Variants in RBM46 observed in about 807,000 individuals in gnomAD.
RBM46 encodes RNA binding motif protein 46.
A neutral mutation model predicts 43.3 loss-of-function variants in RBM46; 12 were observed. That is an observed-to-expected ratio of 0.28 (90% CI 0.18 to 0.45). The LOEUF is 0.45. Ranked by LOEUF, RBM46 falls within the 20% of genes least tolerant of loss-of-function variation. The probability of loss-of-function intolerance (pLI) is 1.00; values close to 1 mark genes in which losing one functional copy is unlikely to be tolerated. For missense variants in RBM46, 412 were observed against 639.1 expected (o/e 0.64, Z 3.83); for synonymous variants, 205 against 207.6 (o/e 0.99, Z 0.11).
chr4:154,798,341 T>A (rs1734448868), intron 3 of RBM46, 63 bp downstream of exon 3: 2 of 1,026,672 alleles, frequency 1.9e-6, no homozygotes, highest in Non-Finnish European at 2.8e-6. Context: ...TGATAGTACA[T>A]CAGGGATCAA....
At chr4:154,817,331 C>CT (rs58860836) in intron 4 of RBM46, among the ~76,000 whole-genome samples, 145 of 126,392 alleles carry the variant, frequency 1.1e-3, no homozygotes, top group Middle Eastern at 4.0e-3. Context: ...TTTTCTCTTT[C>CT]TTTTTTTTTT....
Position 154,806,836 on chromosome 4 carries a change from G to A in RBM46, c.1402+7272G>A, listed in dbSNP as rs1007592016. ...GAAACTAAATTTTCTTTTTGTAACA[G>A]AGGATCTAGGAAAATAATGATGTGT... On this transcript the variant is annotated intron_variant, in intron 4 of 4. Coordinates refer to ENST00000281722, the MANE Select transcript of RBM46 (RefSeq NM_144979.5). Among the ~76,000 whole-genome samples, 171 of 151,896 alleles carry A rather than the reference G, an allele frequency of 1.1e-3. 1 individual carries two copies. Among genetic ancestry groups the A allele is most frequent in the African/African-American group, 4.0e-3 (165 of 41,546 alleles).
chr4:154,820,961 T>C (rs1429647708), intron 4 of RBM46, among the ~76,000 whole-genome samples: 3 of 151,862 alleles, frequency 2.0e-5, no homozygotes, highest in Non-Finnish European at 4.4e-5. Context: ...AATGATGTTT[T>C]CTAGGATGTA....
chr4:154,822,947 CAT>C (rs1386359499), intron 4 of RBM46, among the ~76,000 whole-genome samples: 1 of 151,740 alleles, frequency 6.6e-6, no homozygotes. Context: ...GAATTGAAAA[CAT>C]ATGTTCACAC....
intron 4 of RBM46, among the ~76,000 whole-genome samples, chr4:154,804,028 C>T (rs776940094): frequency 6.6e-6 from 1 of 152,194 alleles, no homozygotes; most frequent in Admixed American, 6.5e-5. Context: ...CGCTGTCTTG[C>T]TCCTGCTCTT....
intron 4 of RBM46, among the ~76,000 whole-genome samples, chr4:154,825,818 C>G (rs527388838): frequency 2.6e-5 from 4 of 151,992 alleles, no homozygotes; most frequent in African/African-American, 9.7e-5. Context: ...CTGAAGATAC[C>G]TTCAGTATCC....
chr4:154,783,240 T>C (rs780462166), intron 1 of RBM46, among the ~76,000 whole-genome samples: 13 of 152,240 alleles, frequency 8.5e-5, no homozygotes, highest in South Asian at 2.1e-4. Flanking sequence ...GTTGGAGTAA[T>C]GTACTTGAAT....
intron 2 of RBM46, among the ~76,000 whole-genome samples, 161 bp downstream of exon 2, chr4:154,797,064 C>T (rs921567875): frequency 3.3e-5 from 5 of 150,992 alleles, no homozygotes; most frequent in Non-Finnish European, 5.9e-5. Context: ...AAATGTTATT[C>T]ATGTCTTACC....
chr4:154,797,343 C>T (rs1185518690), intron 2 of RBM46, among the ~76,000 whole-genome samples: 1 of 152,198 alleles, frequency 6.6e-6, no homozygotes, highest in Non-Finnish European at 1.5e-5. Context: ...TTCAGTTTAT[C>T]ACACTTAAAA....
chr4:154,807,363 A>G (rs2111167246), intron 4 of RBM46, among the ~76,000 whole-genome samples: 1 of 151,692 alleles, frequency 6.6e-6, no homozygotes, highest in South Asian at 2.1e-4. Context: ...GAATCAGAAA[A>G]ATCTCTGTGA....
chr4:154,826,098 A>G (rs1290530168), intron 4 of RBM46, among the ~76,000 whole-genome samples: 1 of 151,794 alleles, frequency 6.6e-6, no homozygotes, highest in African/African-American at 2.4e-5. Context: ...GGAGCCGGTA[A>G]TGGTCCCGTT....
intron 2 of RBM46, 51 bp downstream of exon 2, chr4:154,796,954 A>T: frequency 6.8e-7 from 1 of 1,477,840 alleles, no homozygotes; most frequent in Non-Finnish European, 9.3e-7. Context: ...CTCGTCATGT[A>T]GATTAGATGT....
chr4:154,825,544 AT>A (rs1357746954), intron 4 of RBM46, among the ~76,000 whole-genome samples: 4 of 152,090 alleles, frequency 2.6e-5, no homozygotes, highest in African/African-American at 7.2e-5. Context: ...TTTGTGAAGG[AT>A]TTTTTTCCTT....
intron 4 of RBM46, among the ~76,000 whole-genome samples, chr4:154,805,684 G>T (rs1015989017): frequency 6.6e-6 from 1 of 151,486 alleles, no homozygotes; most frequent in African/African-American, 2.4e-5. Context: ...CCAGATTGAT[G>T]GGCAGAAATG....
rs140718716 is a variant in RBM46 at position 154,813,735 on chromosome 4, G to T, written c.1403-14133G>T. 6.2e-3 allele frequency among the ~76,000 whole-genome samples: 948 copies of T among 152,020 alleles called. 20 individuals are homozygous for T. The highest frequency in any genetic ancestry group is 0.038 in the Admixed American group (573 of 15,268). ...ACAGGTGTAGACTGAGAAGATGGTGGTGTTCCTTTCAGTTTAGTTTCCTAA... is the reference window on the plus strand; with the variant it reads ...ACAGGTGTAGACTGAGAAGATGGTGTTGTTCCTTTCAGTTTAGTTTCCTAA... On this transcript the variant is annotated intron_variant, in intron 4 of 4. Transcript: ENST00000281722.
intron 4 of RBM46, among the ~76,000 whole-genome samples, chr4:154,823,583 G>C (rs1205025485): frequency 6.6e-6 from 1 of 151,878 alleles, no homozygotes; most frequent in Non-Finnish European, 1.5e-5. Flanking sequence ...TCATCTTTAA[G>C]ACAGAAAAGC....
intron 4 of RBM46, among the ~76,000 whole-genome samples, chr4:154,801,568 G>A (rs1734641898): frequency 1.3e-5 from 2 of 152,074 alleles, no homozygotes; most frequent in African/African-American, 4.8e-5. Flanking sequence ...GTAATTAGTT[G>A]CTGAGCAAGT....
At position 154,822,837 on chromosome 4, in the gene RBM46, G is replaced by A. The variant is rs538789980; in HGVS notation, c.1403-5031G>A. On this transcript the variant is annotated intron_variant, in intron 4 of 4. Coordinates refer to ENST00000281722, the MANE Select transcript of RBM46 (RefSeq NM_144979.5). ...ACTGGTGGGAATGTAAAATAGTATA[G>A]TCTTAGCTACCTTGGAAAACAGTTG... Among the ~76,000 whole-genome samples, 7 of 151,778 alleles carry A rather than the reference G, an allele frequency of 4.6e-5. No individual in the cohort carries two copies. In the South Asian group the frequency reaches 1.5e-3, roughly 31 times the overall value.
intron 4 of RBM46, among the ~76,000 whole-genome samples, chr4:154,802,783 A>AT (rs1223014273): frequency 4.6e-5 from 7 of 151,446 alleles, no homozygotes; most frequent in Admixed American, 6.6e-5. Flanking sequence ...GGGGATAGTA[A>AT]TTTTTTTTTA....
Sources: gnomAD v4.1 joint callset for allele counts (sites outside exome capture counted in the v4.1 genomes callset) on GRCh38, gnomAD v4.1.1 for gene constraint, MANE v1.5 for transcripts, NCBI Gene and HGNC (gene_info 2026-07-23, HGNC 2026-07-21) for gene names.